The following ATP8A1 variants were observed in gnomAD, a reference collection of about 807,000 sequenced individuals.
ATP8A1 encodes phospholipid-transporting ATPase IA.
ATP8A1 carries 90 observed loss-of-function variants against 177.7 expected under a neutral mutation model. The observed-to-expected ratio is 0.51, with a 90% CI of 0.43 to 0.60. The LOEUF (loss-of-function observed/expected upper bound fraction) is 0.60. ATP8A1 is among the 20% of genes least tolerant of loss of function. The pLI, the probability that ATP8A1 is intolerant of heterozygous loss-of-function variation, is 0.00. For missense variants in ATP8A1, 1,072 were observed against 1,392.8 expected, an observed-to-expected ratio of 0.77 and a Z score of 3.67; for synonymous variants, 493 against 485.9, an observed-to-expected ratio of 1.01 and a Z score of -0.19.
chr4:42,535,111 A>T (rs1165340947), intron 20 of ATP8A1, among the ~76,000 whole-genome samples: 1 of 152,186 alleles, frequency 6.6e-6, no homozygotes, highest in East Asian at 1.9e-4. Context: ...AAAAAAAGGT[A>T]TTCAGGCAAC....
intron 6 of ATP8A1, among the ~76,000 whole-genome samples, chr4:42,596,775 A>G (rs902461159): frequency 6.6e-6 from 1 of 152,168 alleles, no homozygotes; most frequent in Non-Finnish European, 1.5e-5. Flanking sequence ...ACAGCCCACC[A>G]TGCTTCCTTA....
At chr4:42,645,278 C>T (rs1740419014) in intron 1 of ATP8A1, among the ~76,000 whole-genome samples, 1 of 152,164 alleles carries the variant, frequency 6.6e-6, no homozygotes, top group Non-Finnish European at 1.5e-5. Context: ...TATTAGCTAA[C>T]TGGATGATAC....
At chr4:42,568,553 A>T (rs1731582228) in intron 15 of ATP8A1, among the ~76,000 whole-genome samples, 1 of 152,232 alleles carries the variant, frequency 6.6e-6, no homozygotes, top group African/African-American at 2.4e-5. Context: ...AAAACCAACA[A>T]AAAACTCATA....
At chr4:42,577,285 A>G (rs968248667) in intron 12 of ATP8A1, among the ~76,000 whole-genome samples, 3 of 152,130 alleles carry the variant, frequency 2.0e-5, no homozygotes, top group African/African-American at 2.4e-5. Context: ...TACATATCCT[A>G]TTACGTAATT....
At chr4:42,584,216 C>T (rs932087443) in intron 9 of ATP8A1, among the ~76,000 whole-genome samples, 6 of 151,956 alleles carry the variant, frequency 3.9e-5, no homozygotes, top group Admixed American at 1.3e-4. Context: ...CACTACAATG[C>T]CTGGGAGATA....
chr4:42,583,315 C>T (rs186016060), intron 9 of ATP8A1, among the ~76,000 whole-genome samples: 1 of 152,306 alleles, frequency 6.6e-6, no homozygotes, highest in Admixed American at 6.5e-5. Context: ...AATAGCATGC[C>T]TTTAGGACCT....
rs1712483017 is a variant in ATP8A1 at position 42,410,593 on chromosome 4, A to G, written c.*2323T>C. The G allele has an allele frequency of 1.3e-5, 2 of 152,204 alleles. No homozygotes were observed. Among genetic ancestry groups the G allele is most frequent in the African/African-American group, 4.8e-5 (2 of 41,450 alleles). 9.4% of individuals were successfully genotyped at this position (152,204 alleles called of 1,614,324 possible). A position where few individuals can be genotyped will look rare whatever the true frequency, so the allele number is the denominator to read the frequency against. On this transcript the variant is annotated 3_prime_UTR_variant, in exon 37 of 37. Transcript: ENST00000381668. Reference sequence around the variant, plus strand: ...GGTCATTCCCTGTCCCTCAAACCCCAAGTCTCACCCAGGAAGCAAAGAGAC... The same window carrying G: ...GGTCATTCCCTGTCCCTCAAACCCCGAGTCTCACCCAGGAAGCAAAGAGAC...
rs186680079 is a variant in ATP8A1, at chr4:42,413,286, G to T, written c.3398-273C>A. On this transcript the variant is annotated intron_variant, in intron 36 of 36. Coordinates refer to ENST00000381668, the MANE Select transcript of ATP8A1 (RefSeq NM_006095.2). ...TCAATTCCCCTAAATCCTCTGTCCCGTAAGTCAACTCCAACTCTTCTAATT... is the reference window on the plus strand; with the variant it reads ...TCAATTCCCCTAAATCCTCTGTCCCTTAAGTCAACTCCAACTCTTCTAATT... 1.1e-4 allele frequency among the ~76,000 whole-genome samples: 16 copies of T among 152,210 alleles called. No individual in the cohort carries two copies. In the East Asian group the frequency reaches 2.9e-3, roughly 28 times the overall value.
In ATP8A1 at chr4:42,624,642, G is replaced by GAAAAA; in HGVS notation, c.265-13_265-9dup. On this transcript the variant is annotated splice_polypyrimidine_tract_variant and intron_variant, in intron 3 of 36. Transcript: ENST00000381668. ...TGACACATCAGGTATTTGCTGTTTGGAAAAAAAAAAAAAAGAGAAATCCAA... is the reference window on the plus strand; with the variant it reads ...TGACACATCAGGTATTTGCTGTTTGGAAAAAAAAAAAAAAAAAAAGAGAAATCCAA... 1.0e-6 allele frequency: 1 copy of GAAAAA among 969,054 alleles called. No homozygotes were observed. Among genetic ancestry groups the GAAAAA allele is most frequent in the Non-Finnish European group, 1.4e-6 (1 of 706,762 alleles). The allele number at this position is 969,054 out of a possible 1,614,324, so 60.0% of individuals were successfully genotyped here. A position where few individuals can be genotyped will look rare whatever the true frequency, so the allele number is the denominator to read the frequency against.
intron 18 of ATP8A1, among the ~76,000 whole-genome samples, chr4:42,549,285 G>A (rs959633875): frequency 3.3e-5 from 5 of 152,154 alleles, no homozygotes; most frequent in Non-Finnish European, 5.9e-5. Flanking sequence ...AAGTGTCACC[G>A]AAGAGTTCTT....
At chr4:42,476,285 T>C (rs573893720) in intron 25 of ATP8A1, among the ~76,000 whole-genome samples, 1 of 152,238 alleles carries the variant, frequency 6.6e-6, no homozygotes, top group African/African-American at 2.4e-5. Context: ...TCCATATGTG[T>C]AAAAGACCTA....
At chr4:42,449,468 TTCAGAAC>T (rs998745948) in intron 30 of ATP8A1, among the ~76,000 whole-genome samples, 2 of 152,184 alleles carry the variant, frequency 1.3e-5, no homozygotes, top group African/African-American at 2.4e-5. Context: ...AGACTACTCT[TTCAGAAC>T]TGCTGAGGCA....
intron 14 of ATP8A1, among the ~76,000 whole-genome samples, chr4:42,573,345 T>C (rs1188210460): frequency 1.3e-5 from 2 of 152,188 alleles, no homozygotes; most frequent in Non-Finnish European, 2.9e-5. Context: ...TTTTCTCCTC[T>C]GGGATGATTG....
At chr4:42,516,791 G>A (rs772846136) in intron 22 of ATP8A1, among the ~76,000 whole-genome samples, 4 of 152,094 alleles carry the variant, frequency 2.6e-5, no homozygotes, top group Non-Finnish European at 4.4e-5. Flanking sequence ...CATAATTTAT[G>A]TGTCTTAGAA....
rs1734708488 is a variant in ATP8A1 at position 42,596,341 on chromosome 4, A to G, written c.450+4137T>C. Among the ~76,000 whole-genome samples, 3 of 152,218 alleles carry G rather than the reference A, an allele frequency of 2.0e-5. No individual in the cohort carries two copies. The South Asian group carries it at 6.2e-4, about 32-fold the overall frequency. On this transcript the variant is annotated intron_variant, in intron 6 of 36. Coordinates refer to ENST00000381668, the MANE Select transcript of ATP8A1 (RefSeq NM_006095.2). ...TGCAACATCAAGGATTATGTAAAATAGTAAGATTATCAGACTGCAATAGCC... is the reference window on the plus strand; with the variant it reads ...TGCAACATCAAGGATTATGTAAAATGGTAAGATTATCAGACTGCAATAGCC...
In ATP8A1 at chr4:42,656,820, C is replaced by CA; in HGVS notation, c.49+4_49+5insT. The CA allele has an allele frequency of 6.4e-7, 1 of 1,570,770 alleles. No individual in the cohort carries two copies. Among genetic ancestry groups the CA allele is most frequent in the Non-Finnish European group, 8.6e-7 (1 of 1,158,144 alleles). On this transcript the variant is annotated splice_donor_region_variant and intron_variant, in intron 1 of 36. Transcript: ENST00000381668. ...GGCTAGCCCCGAGCCTCGGCGGCCCCTTACCTTCGGCGCGCGAGCGGATCT... is the reference window on the plus strand; with the variant it reads ...GGCTAGCCCCGAGCCTCGGCGGCCCCATTACCTTCGGCGCGCGAGCGGATCT...
rs745978495 is a variant in ATP8A1 at position 42,414,730 on chromosome 4, G to A, written c.3306-12C>T. ...CCCTCTCGGTCAGGCTGCAGAGCAG[G>A]TGCAAATGTGTGAAATGAATTATCA... On this transcript the variant is annotated splice_polypyrimidine_tract_variant and intron_variant, in intron 35 of 36. Coordinates refer to ENST00000381668, the MANE Select transcript of ATP8A1 (RefSeq NM_006095.2). The A allele has an allele frequency of 2.5e-6, 4 of 1,607,892 alleles. No homozygotes were observed. Among genetic ancestry groups the A allele is most frequent in the Admixed American group, 1.7e-5 (1 of 59,978 alleles).
intron 9 of ATP8A1, among the ~76,000 whole-genome samples, chr4:42,583,990 T>A (rs74580946): frequency 0.015 from 2,356 of 152,340 alleles, 42 homozygotes; most frequent in Non-Finnish European, 0.022. Flanking sequence ...CATGGAACGA[T>A]CACTCTGTGA....
chr4:42,482,212 G>T (rs942235515), intron 25 of ATP8A1, among the ~76,000 whole-genome samples: 5 of 151,536 alleles, frequency 3.3e-5, no homozygotes, highest in Non-Finnish European at 7.4e-5. Context: ...TGAGGCACAA[G>T]AATCGCTTGA....
Sources: allele counts gnomAD v4.1 joint callset (sites outside exome capture counted in the v4.1 genomes callset), GRCh38; gene constraint gnomAD v4.1.1; transcripts MANE v1.5; gene names NCBI Gene and HGNC (gene_info 2026-07-23, HGNC 2026-07-21).